The following ANKRD30B variants were observed in gnomAD, a reference collection of about 807,000 sequenced individuals.
ANKRD30B encodes ankyrin repeat domain-containing protein 30B.
Under a neutral mutation model 202.2 loss-of-function variants are expected in ANKRD30B, and 144 were observed. The observed-to-expected ratio is 0.71, with a 90% CI of 0.62 to 0.82. The LOEUF (loss-of-function observed/expected upper bound fraction) is 0.82, where lower values mean the gene tolerates loss of function less well. Among genes scored for constraint, ANKRD30B ranks in the 40% least tolerant of loss-of-function variants. ANKRD30B has a pLI of 0.00. For missense variants in ANKRD30B, 1,487 were observed against 1,669.1 expected (o/e 0.89, Z 1.90); for synonymous variants, 508 against 561.3 (o/e 0.91, Z 1.34).
intron 34 of ANKRD30B, among the ~76,000 whole-genome samples, chr18:14,835,609 T>C (rs1366237369): frequency 6.6e-6 from 1 of 151,574 alleles, no homozygotes; most frequent in Admixed American, 6.6e-5. Flanking sequence ...ATCATAGATA[T>C]ATGTAAAAAC....
chr18:14,820,164 G>C (rs1259516505), intron 30 of ANKRD30B, among the ~76,000 whole-genome samples: 8 of 152,112 alleles, frequency 5.3e-5, no homozygotes, highest in African/African-American at 1.9e-4. Flanking sequence ...CTCTCTGTTT[G>C]TCTGTTATTG....
At chr18:14,794,158 A>T (rs184300535) in intron 16 of ANKRD30B, among the ~76,000 whole-genome samples, 135 of 152,024 alleles carry the variant, frequency 8.9e-4, no homozygotes, top group African/African-American at 3.2e-3. Context: ...ATTTTAAAAA[A>T]CTCCAGTGTA....
chr18:14,753,152 A>C, intron 3 of ANKRD30B, 140 bp downstream of exon 3: 2 of 646,524 alleles, frequency 3.1e-6, no homozygotes, highest in East Asian at 5.9e-5. Context: ...TCTAAGATTT[A>C]ACCTTAAATA....
At chr18:14,784,412 T>C (rs1186769717) in intron 13 of ANKRD30B, 48 bp downstream of exon 13, 3 of 1,612,420 alleles carry the variant, frequency 1.9e-6, no homozygotes, top group Admixed American at 1.7e-5. Flanking sequence ...AACTATGTAC[T>C]TTGTGAAGTA....
chr18:14,929,626 A>G, the ANKRD30B span, among the ~76,000 whole-genome samples: 1 of 152,210 alleles, frequency 6.6e-6, no homozygotes, highest in African/African-American at 2.4e-5. Flanking sequence ...TTATTCTAGC[A>G]TCAAACTTTA....
the ANKRD30B span, among the ~76,000 whole-genome samples, chr18:14,864,752 T>C: frequency 4.0e-5 from 6 of 151,446 alleles, no homozygotes; most frequent in Non-Finnish European, 8.8e-5. Flanking sequence ...CTCGCCACCC[T>C]CTCTTTCCCC....
At chr18:14,890,616 C>G in the ANKRD30B span, among the ~76,000 whole-genome samples, 1 of 150,964 alleles carries the variant, frequency 6.6e-6, no homozygotes, top group Non-Finnish European at 1.5e-5. Context: ...CATTCTGGCT[C>G]TTAATCATTA....
At position 14,851,509 on chromosome 18, in the gene ANKRD30B, G is replaced by C; in HGVS notation, c.3565G>C (p.Val1189Leu). Residue 1189 changes from valine (V) to leucine (L), a missense_variant and splice_region_variant, in exon 42 of 44, where the codon GTT becomes CTT. Transcript: ENST00000690538. Reference protein sequence around the residue: ...LKSVTSNLNQVSHTHESENDL... With the variant: ...LKSVTSNLNQLSHTHESENDL... Reference sequence around the variant, plus strand: ...TAAATTTTTATTTTGTTTTATTTAGGTTTCTCACACTCATGAAAGTGAAAA... The same window carrying C: ...TAAATTTTTATTTTGTTTTATTTAGCTTTCTCACACTCATGAAAGTGAAAA... 6 of 1,516,646 alleles carry C rather than the reference G, an allele frequency of 4.0e-6. No homozygotes were observed. Among genetic ancestry groups the C allele is most frequent in the Non-Finnish European group, 5.3e-6 (6 of 1,135,640 alleles). 93.9% of individuals were successfully genotyped at this position (1,516,646 alleles called of 1,614,324 possible). A position where few individuals can be genotyped will look rare whatever the true frequency, so the allele number is the denominator to read the frequency against.
At chr18:14,830,373 T>C (rs1290558725) in intron 33 of ANKRD30B, 4 of 152,472 alleles carry the variant, frequency 2.6e-5, no homozygotes, top group Non-Finnish European at 4.4e-5. Flanking sequence ...GAAGGAAAAG[T>C]ATAAAATAAG....
chr18:14,762,978 C>G (rs1915497684), intron 6 of ANKRD30B, among the ~76,000 whole-genome samples: 1 of 152,192 alleles, frequency 6.6e-6, no homozygotes, highest in South Asian at 2.1e-4. Flanking sequence ...ATTCATTTAT[C>G]TGCTTGTCCA....
At chr18:14,925,940 C>G in the ANKRD30B span, among the ~76,000 whole-genome samples, 1 of 152,116 alleles carries the variant, frequency 6.6e-6, no homozygotes, top group Admixed American at 6.6e-5. Context: ...TTTGCACCCA[C>G]CTGTCCTGTG....
At chr18:14,890,064 A>G in the ANKRD30B span, 15 of 1,282,400 alleles carry the variant, frequency 1.2e-5, no homozygotes, top group Non-Finnish European at 1.6e-5. Context: ...CACAATCCCA[A>G]CTGCCACTGT....
At chr18:14,765,256 C>T (rs747710468) in intron 7 of ANKRD30B, among the ~76,000 whole-genome samples, 9 of 151,786 alleles carry the variant, frequency 5.9e-5, no homozygotes, top group African/African-American at 1.2e-4. Context: ...GTTAGGAGTT[C>T]GTTCGAGAAC....
the ANKRD30B span, among the ~76,000 whole-genome samples, chr18:14,930,550 G>GAA: frequency 6.6e-6 from 1 of 152,096 alleles, no homozygotes; most frequent in African/African-American, 2.4e-5. Flanking sequence ...TATCAAAGAG[G>GAA]TTCTGCTTCC....
In ANKRD30B at chr18:14,848,877, T is replaced by C; in HGVS notation, c.3343T>C (p.Ser1115Pro). The C allele has an allele frequency of 6.2e-7, 1 of 1,602,466 alleles. No individual in the cohort carries two copies. The change falls in exon 40 of 44, where the codon TCA becomes CCA. Residue 1115 changes from serine to proline, a missense_variant. Coordinates refer to ENST00000690538, the MANE Select transcript of ANKRD30B (RefSeq NM_001367607.2). ...ACTGTCAGAAGCGAAAGAAATAAAA[T>C]CACAGTTAGAGAACCAAAAAGCTAA... Reference protein sequence around the residue: ...KELSEAKEIKSQLENQKAKWE... With the variant: ...KELSEAKEIKPQLENQKAKWE...
downstream of ANKRD30B, among the ~76,000 whole-genome samples, chr18:14,858,949 A>G (rs1357249291): frequency 1.1e-3 from 71 of 62,162 alleles, no homozygotes; most frequent in South Asian, 1.6e-3. Flanking sequence ...CTCCCAGATG[A>G]GGCGGCCTGG....
At chr18:14,782,261 A>T (rs1967796309) in intron 11 of ANKRD30B, among the ~76,000 whole-genome samples, 1 of 152,252 alleles carries the variant, frequency 6.6e-6, no homozygotes, top group South Asian at 2.1e-4. Flanking sequence ...TGAAATATGC[A>T]GATGAGTGAA....
chr18:14,795,995 A>T (rs904175309), intron 16 of ANKRD30B, among the ~76,000 whole-genome samples: 24 of 152,126 alleles, frequency 1.6e-4, no homozygotes, highest in Admixed American at 9.8e-4. Flanking sequence ...TGATTGTTAA[A>T]ATCTCCATAG....
At chr18:14,810,453 C>T (rs1969849866) in intron 28 of ANKRD30B, among the ~76,000 whole-genome samples, 2 of 151,174 alleles carry the variant, frequency 1.3e-5, no homozygotes, top group Non-Finnish European at 2.9e-5. Flanking sequence ...TGTACGTGCT[C>T]AGTTTTACGG....
Sources: allele counts gnomAD v4.1 joint callset (sites outside exome capture counted in the v4.1 genomes callset), GRCh38; gene constraint gnomAD v4.1.1; transcripts MANE v1.5; gene names NCBI Gene and HGNC (gene_info 2026-07-23, HGNC 2026-07-21).